TPP2: variants seen among roughly 807,000 people sequenced by gnomAD.
TPP2 encodes the protein tripeptidyl-peptidase 2.
TPP2 carries 34 observed loss-of-function variants against 155.9 expected under a neutral mutation model. The observed-to-expected ratio is 0.22, with a 90% confidence interval of 0.17 to 0.29. The LOEUF (loss-of-function observed/expected upper bound fraction) is 0.29. Among genes scored for constraint, TPP2 ranks in the 10% least tolerant of loss-of-function variants. The pLI is 1.00. For missense variants in TPP2, 1,028 were observed against 1,522.3 expected (o/e 0.68, Z 5.40); for synonymous variants, 510 against 529.4 (o/e 0.96, Z 0.50).
At chr13:102,612,927 C>G (rs1763764227) in intron 2 of TPP2, among the ~76,000 whole-genome samples, 2 of 152,190 alleles carry the variant, frequency 1.3e-5, no homozygotes, top group South Asian at 4.1e-4. Context: ...GAAGTTGCTG[C>G]TAGCCACCTG....
chr13:102,612,733 C>T (rs950718818), intron 2 of TPP2, among the ~76,000 whole-genome samples: 3 of 151,968 alleles, frequency 2.0e-5, no homozygotes, highest in African/African-American at 7.2e-5. Flanking sequence ...TTCCATGGAC[C>T]GTGCAGACTT....
chr13:102,672,444 G>T (rs1354780786), intron 27 of TPP2, among the ~76,000 whole-genome samples: 1 of 152,130 alleles, frequency 6.6e-6, no homozygotes, highest in East Asian at 1.9e-4. Context: ...TCAGGCTCCG[G>T]ATAAGAGAAT....
intron 24 of TPP2, among the ~76,000 whole-genome samples, chr13:102,654,577 G>A (rs1270650580): frequency 6.6e-6 from 1 of 152,092 alleles, no homozygotes; most frequent in Non-Finnish European, 1.5e-5. Context: ...AGTCTGAGGA[G>A]GAAGTGCCTC....
intron 1 of TPP2, among the ~76,000 whole-genome samples, chr13:102,602,714 G>A (rs1269916105): frequency 1.3e-5 from 2 of 152,166 alleles, no homozygotes; most frequent in African/African-American, 2.4e-5. Flanking sequence ...TATTGCAGAG[G>A]AAATACTTGT....
intron 24 of TPP2, among the ~76,000 whole-genome samples, chr13:102,655,217 A>G (rs1017996348): frequency 4.6e-5 from 7 of 152,094 alleles, no homozygotes; most frequent in African/African-American, 1.4e-4. Flanking sequence ...ATCATTTTAT[A>G]CCCCGAAATT....
intron 28 of TPP2, among the ~76,000 whole-genome samples, chr13:102,675,207 C>G (rs147181425): frequency 1.0e-3 from 156 of 152,216 alleles, no homozygotes; most frequent in African/African-American, 3.6e-3. Flanking sequence ...GTAAAGAACC[C>G]TGGAAGTGGG....
At chr13:102,648,633 A>T (rs1425786053) in intron 21 of TPP2, among the ~76,000 whole-genome samples, 1 of 152,082 alleles carries the variant, frequency 6.6e-6, no homozygotes, top group Non-Finnish European at 1.5e-5. Context: ...TTCTGGAAAG[A>T]ATGAGGGCTT....
At chr13:102,648,486 A>G (rs1566355798) in intron 21 of TPP2, among the ~76,000 whole-genome samples, 1 of 149,126 alleles carries the variant, frequency 6.7e-6, no homozygotes, top group African/African-American at 2.5e-5. Context: ...TAGATATTCT[A>G]TGGTGCCTCA....
intron 5 of TPP2, among the ~76,000 whole-genome samples, chr13:102,619,581 TCA>T (rs1881004916): frequency 6.6e-6 from 1 of 152,192 alleles, no homozygotes; most frequent in South Asian, 2.1e-4. Flanking sequence ...CTCACTGCTC[TCA>T]CAATTGTTCA....
chr13:102,675,579 A>G (rs1885234367), intron 28 of TPP2, among the ~76,000 whole-genome samples: 1 of 152,232 alleles, frequency 6.6e-6, no homozygotes, highest in Admixed American at 6.5e-5. Context: ...ATAAAGATGA[A>G]TAAGAACCTG....
intron 6 of TPP2, among the ~76,000 whole-genome samples, chr13:102,624,269 C>A (rs533041296): frequency 4.7e-4 from 71 of 152,216 alleles, no homozygotes; most frequent in African/African-American, 1.6e-3. Flanking sequence ...GGGGGAAGTT[C>A]TCCCTCCCAG....
chr13:102,626,407 A>G (rs774119995), intron 6 of TPP2, among the ~76,000 whole-genome samples: 23 of 152,184 alleles, frequency 1.5e-4, no homozygotes, highest in Non-Finnish European at 3.1e-4. Context: ...ACTGTTAATG[A>G]ATCTTGTGGT....
At chr13:102,639,327 A>AT (rs1359809873) in intron 15 of TPP2, among the ~76,000 whole-genome samples, 1 of 152,192 alleles carries the variant, frequency 6.6e-6, no homozygotes, top group East Asian at 1.9e-4. Flanking sequence ...AATATTAAGT[A>AT]TGCAATAGAT....
At chr13:102,663,155 T>A (rs79784908) in intron 25 of TPP2, among the ~76,000 whole-genome samples, 1,067 of 41,152 alleles carry the variant, frequency 0.026, 8 homozygotes, top group African/African-American at 0.1. Context: ...TTAATTAATT[T>A]ATTTATTTTT....
rs1885465692 is a variant in TPP2 at position 102,678,959 on chromosome 13, G to A, written c.*643G>A. On this transcript the variant is annotated 3_prime_UTR_variant, in exon 30 of 30. Coordinates refer to ENST00000376052, the MANE Select transcript of TPP2 (RefSeq NM_001330588.2). ...TTTTCACATCCTCTTGAGGTTCAGA[G>A]CATCAGAATGAACTCTATGAATACA... 2 of 152,462 alleles carry A rather than the reference G, an allele frequency of 1.3e-5. No homozygotes were observed. Among genetic ancestry groups the A allele is most frequent in the Non-Finnish European group, 2.9e-5 (2 of 68,044 alleles). 9.4% of individuals were successfully genotyped at this position (152,462 alleles called of 1,614,324 possible). A position where few individuals can be genotyped will look rare whatever the true frequency, so the allele number is the denominator to read the frequency against.
intron 26 of TPP2, among the ~76,000 whole-genome samples, 157 bp from the exon 27 acceptor site, chr13:102,664,638 A>G (rs548436237): frequency 6.6e-6 from 1 of 152,360 alleles, no homozygotes; most frequent in East Asian, 1.9e-4. Context: ...TAGAAAAATC[A>G]CAGTAGGAGA....
chr13:102,639,050 G>A (rs533338560), intron 15 of TPP2, among the ~76,000 whole-genome samples: 19 of 152,290 alleles, frequency 1.2e-4, no homozygotes, highest in Admixed American at 5.9e-4. Flanking sequence ...TAATGACCAG[G>A]TGCATTCCTG....
intron 4 of TPP2, among the ~76,000 whole-genome samples, chr13:102,616,956 G>T (rs1880782914): frequency 6.6e-6 from 1 of 151,812 alleles, no homozygotes; most frequent in South Asian, 2.1e-4. Flanking sequence ...TCTGTTCCAG[G>T]CTGGAGTGCA....
intron 2 of TPP2, 24 bp downstream of exon 2, chr13:102,604,945 GA>G: frequency 6.3e-7 from 1 of 1,594,654 alleles, no homozygotes; most frequent in Non-Finnish European, 8.5e-7. Flanking sequence ...TCTTCTTTTT[GA>G]ATTTTTTTTT....
Sources: allele counts gnomAD v4.1 joint callset (sites outside exome capture counted in the v4.1 genomes callset), GRCh38; gene constraint gnomAD v4.1.1; transcripts MANE v1.5; gene names NCBI Gene and HGNC (gene_info 2026-07-23, HGNC 2026-07-21).